Variants in MINK1 observed in about 807,000 individuals in gnomAD.
MINK1 encodes the protein misshapen-like kinase 1.
A neutral mutation model predicts 178.4 loss-of-function variants in MINK1; 46 were observed. That is an observed-to-expected ratio of 0.26 (90% confidence interval 0.20 to 0.33). The LOEUF is 0.33. MINK1 is among the 10% of genes least tolerant of loss of function. The pLI is 1.00. For missense variants in MINK1, 1,366 were observed against 1,814.9 expected, an observed-to-expected ratio of 0.75 and a Z score of 4.49; for synonymous variants, 797 against 709.7, an observed-to-expected ratio of 1.12 and a Z score of -1.96.
intron 1 of MINK1, among the ~76,000 whole-genome samples, chr17:4,849,720 C>T (rs1291097780): frequency 6.6e-6 from 1 of 152,016 alleles, no homozygotes; most frequent in African/African-American, 2.4e-5. Flanking sequence ...TACAGGCACC[C>T]GCCACCATGC....
In MINK1 at chr17:4,896,149, T is replaced by C. The variant is rs755196204; in HGVS notation, c.3466-44T>C. 6.2e-7 allele frequency: 1 copy of C among 1,604,978 alleles called. No homozygotes were observed. Among genetic ancestry groups the C allele is most frequent in the Non-Finnish European group, 8.5e-7 (1 of 1,175,288 alleles). On this transcript the variant is annotated intron_variant, in intron 28 of 31. Coordinates refer to ENST00000355280, the MANE Select transcript of MINK1 (RefSeq NM_153827.5). This position sits in a 1 kb window ranked among gnomAD's most constrained non-coding sequence, Gnocchi z 4.6. ...TAACACCATCTGGAGTCCCAGCGCC[T>C]CTCCCCGTGCCCCTGAGCCCTCCTC...
At chr17:4,850,040 G>A (rs986700434) in intron 1 of MINK1, among the ~76,000 whole-genome samples, 4 of 152,228 alleles carry the variant, frequency 2.6e-5, no homozygotes, top group South Asian at 2.1e-4. Context: ...TCCTTGAATC[G>A]TTCTGATAGC....
rs912472004 is a variant in MINK1, at chr17:4,833,450, C to G, written c.-134C>G. 1.7e-4 allele frequency: 115 copies of G among 678,634 alleles called. No homozygotes were observed. The highest frequency in any genetic ancestry group is 2.2e-4 in the Non-Finnish European group (93 of 421,662). The allele number at this position is 678,634 out of a possible 1,614,324, so 42.0% of individuals were successfully genotyped here. ...GTCGGTCCTCGCGCCGGCCCTCCCCCTCCCCGGTCTCCGGGGGAGGCGCGG... is the reference window on the plus strand; with the variant it reads ...GTCGGTCCTCGCGCCGGCCCTCCCCGTCCCCGGTCTCCGGGGGAGGCGCGG... On this transcript the variant is annotated 5_prime_UTR_variant, in exon 1 of 32. Transcript: ENST00000355280. The surrounding 1 kb of genome is among the most constrained non-coding windows in gnomAD (Gnocchi z 4.8).
In MINK1 at chr17:4,887,236, C is replaced by T. The variant is rs2151020736; in HGVS notation, c.1019+57C>T. 2.6e-6 allele frequency: 4 copies of T among 1,514,394 alleles called. No homozygotes were observed. Among genetic ancestry groups the T allele is most frequent in the Middle Eastern group, 2.0e-4 (1 of 4,992 alleles). The allele number at this position is 1,514,394 out of a possible 1,614,324, so 93.8% of individuals were successfully genotyped here. A position where few individuals can be genotyped will look rare whatever the true frequency, so the allele number is the denominator to read the frequency against. On this transcript the variant is annotated intron_variant, in intron 11 of 31. Coordinates refer to ENST00000355280, the MANE Select transcript of MINK1 (RefSeq NM_153827.5). This position sits in a 1 kb window ranked among gnomAD's most constrained non-coding sequence, Gnocchi z 7.6. ...CGGTCATCGCTGAGTGGGGGGACTA[C>T]AGTGGTGCTTGGCTTTGGGGACTCT...
At position 4,891,548 on chromosome 17, in the gene MINK1, T is replaced by C. The variant is rs1232478067; in HGVS notation, c.1833T>C (p.Ala611=). 1.2e-6 allele frequency: 2 copies of C among 1,609,522 alleles called. No individual in the cohort carries two copies. The highest frequency in any genetic ancestry group is 3.4e-5 in the Admixed American group (2 of 59,386). The part of the protein sequence containing the change: ...SLQDQPTRNL[A]AFPASHDPDP... ...AGGACCAGCCCACCCGAAACCTGGC[T>C]GCCTTCCCAGCCTCCCATGACCCCG... The change falls in exon 16 of 32, where the codon GCT becomes GCC. Residue 611 remains alanine (A), a synonymous_variant. Transcript: ENST00000355280.
At chr17:4,869,561 G>A (rs904647835) in intron 1 of MINK1, among the ~76,000 whole-genome samples, 39 of 151,942 alleles carry the variant, frequency 2.6e-4, no homozygotes, top group Non-Finnish European at 4.4e-4. Context: ...ACAGGCGTGG[G>A]CCACTGTACC....
In MINK1 at chr17:4,833,579, A is replaced by G. The variant is rs1908804326; in HGVS notation, c.-5A>G. The G allele has an allele frequency of 1.3e-6, 2 of 1,497,876 alleles. No individual in the cohort carries two copies. Among genetic ancestry groups the G allele is most frequent in the African/African-American group, 1.5e-5 (1 of 68,766 alleles). The allele number at this position is 1,497,876 out of a possible 1,614,324, so 92.8% of individuals were successfully genotyped here. A position where few individuals can be genotyped will look rare whatever the true frequency, so the allele number is the denominator to read the frequency against. ...GGCCCCGGTGCCCCGTTCCCCACGG[A>G]GGCCATGGGCGACCCAGCCCCCGCC... is the stretch of plus-strand genomic sequence containing the variant. On this transcript the variant is annotated 5_prime_UTR_variant, in exon 1 of 32. Coordinates refer to ENST00000355280, the MANE Select transcript of MINK1 (RefSeq NM_153827.5). The surrounding 1 kb of genome is among the most constrained non-coding windows in gnomAD (Gnocchi z 4.8).
chr17:4,887,684 T>TGCAGCAGCAGCAGCA lies in MINK1; in HGVS notation c.1127_1141dup (p.Gln376_Gln380dup). ...GAGGCTTTAAAACAGCAGCAGCAGC[T>TGCAGCAGCAGCAGCA]GCAGCAGCAGCAGCAGCGAGACCCC... is the stretch of plus-strand genomic sequence containing the variant. On this transcript the variant is annotated inframe_insertion, in exon 12 of 32. Transcript: ENST00000355280. This position sits in a 1 kb window ranked among gnomAD's most constrained non-coding sequence, Gnocchi z 7.6. The TGCAGCAGCAGCAGCA allele has an allele frequency of 6.4e-7, 1 of 1,561,092 alleles. No individual in the cohort carries two copies. The highest frequency in any genetic ancestry group is 8.7e-7 in the Non-Finnish European group (1 of 1,154,352).
rs77824966 is a variant in MINK1, at chr17:4,892,256, G to A, written c.2087+22G>A. 9.0e-4 allele frequency: 1,398 copies of A among 1,551,502 alleles called. 3 individuals are homozygous for A. The Middle Eastern group carries it at 0.012, about 13-fold the overall frequency. On this transcript the variant is annotated intron_variant, in intron 17 of 31. Transcript: ENST00000355280. ...CCAGGTAATGCCTGGGTAGGGCAAC[G>A]CCTGGGTGAGGTCTGAGGGCAGCCT... is the stretch of plus-strand genomic sequence containing the variant.
chr17:4,850,503 C>T (rs1486470118), intron 1 of MINK1, among the ~76,000 whole-genome samples: 2 of 137,512 alleles, frequency 1.5e-5, no homozygotes, highest in East Asian at 3.9e-4. Flanking sequence ...GACAGTCCTT[C>T]CTCCCCTTCC....
At chr17:4,853,615 T>C (rs1347743486) in intron 1 of MINK1, among the ~76,000 whole-genome samples, 1 of 152,020 alleles carries the variant, frequency 6.6e-6, no homozygotes, top group African/African-American at 2.4e-5. Flanking sequence ...CCTGCCAAGC[T>C]TCCCTGCAGG....
At chr17:4,845,430 A>T (rs1391554332) in intron 1 of MINK1, among the ~76,000 whole-genome samples, 1 of 152,066 alleles carries the variant, frequency 6.6e-6, no homozygotes, top group African/African-American at 2.4e-5. Flanking sequence ...TAGGTGCTAG[A>T]GGAAGTTGGA....
At chr17:4,884,867 C>A (rs751765181) in intron 5 of MINK1, 45 bp from the exon 6 acceptor site, 3 of 1,557,304 alleles carry the variant, frequency 1.9e-6, no homozygotes, top group Non-Finnish European at 2.7e-6. Context: ...CTCTTTCCTA[C>A]CCCATCCAAC....
In MINK1 at chr17:4,838,936, A is replaced by C. The variant is rs1909706197; in HGVS notation, c.57+5296A>C. ...CACCCAAGCAAAGCAATGCCTTTCCAAGCCTAGACTCTTTTTTTTTTTTTT... is the reference window on the plus strand; with the variant it reads ...CACCCAAGCAAAGCAATGCCTTTCCCAGCCTAGACTCTTTTTTTTTTTTTT... On this transcript the variant is annotated intron_variant, in intron 1 of 31. Coordinates refer to ENST00000355280, the MANE Select transcript of MINK1 (RefSeq NM_153827.5). 5.3e-5 allele frequency among the ~76,000 whole-genome samples: 8 copies of C among 151,286 alleles called. No individual in the cohort carries two copies. In the South Asian group the frequency reaches 1.3e-3, roughly 24 times the overall value.
intron 1 of MINK1, chr17:4,854,671 T>G (rs563694601): frequency 7.5e-4 from 333 of 444,250 alleles, no homozygotes; most frequent in Middle Eastern, 1.3e-3. Context: ...TCCTGGTTTC[T>G]TCGCCTTCCT....
chr17:4,849,593 A>G (rs1911608255), intron 1 of MINK1, among the ~76,000 whole-genome samples: 1 of 151,838 alleles, frequency 6.6e-6, no homozygotes, highest in Non-Finnish European at 1.5e-5. Flanking sequence ...TTTGTTTGAG[A>G]TGGAGTTTTG....
intron 1 of MINK1, among the ~76,000 whole-genome samples, chr17:4,876,125 G>A (rs936035847): frequency 6.6e-6 from 1 of 151,974 alleles, no homozygotes; most frequent in African/African-American, 2.4e-5. Flanking sequence ...TTTAACTGAA[G>A]CCAAATAATT....
intron 4 of MINK1, 88 bp downstream of exon 4, chr17:4,881,345 T>C: frequency 1.4e-6 from 2 of 1,389,440 alleles, no homozygotes; most frequent in Non-Finnish European, 9.7e-7. Context: ...GCCCAGCATC[T>C]CTCCTTGCCA....
chr17:4,866,489 T>G (rs1914985458), intron 1 of MINK1, among the ~76,000 whole-genome samples: 1 of 150,830 alleles, frequency 6.6e-6, no homozygotes, highest in Non-Finnish European at 1.5e-5. Flanking sequence ...AAAAAAAATT[T>G]CTATCTTACT....
Sources: allele counts gnomAD v4.1 joint callset (sites outside exome capture counted in the v4.1 genomes callset), GRCh38; gene constraint gnomAD v4.1.1; non-coding constraint Gnocchi (gnomAD v3.1); transcripts MANE v1.5; gene names NCBI Gene and HGNC (gene_info 2026-07-23, HGNC 2026-07-21).